EPHB1: variants seen among roughly 807,000 people sequenced by gnomAD.
EPHB1 encodes the protein EPH receptor B1, also known as ephrin type-B receptor 1.
EPHB1 carries 30 observed loss-of-function variants against 94.4 expected under a neutral mutation model. That is an observed-to-expected ratio of 0.32 (90% CI 0.24 to 0.43). EPHB1 has a LOEUF of 0.43. Ranked by LOEUF, EPHB1 falls within the 20% of genes least tolerant of loss-of-function variation. The pLI is 1.00. For missense variants in EPHB1, 1,055 were observed against 1,308.3 expected, an observed-to-expected ratio of 0.81 and a Z score of 2.99; for synonymous variants, 522 against 489.1, an observed-to-expected ratio of 1.07 and a Z score of -0.89.
chr3:135,245,173 C>A (rs1451041846), intron 13 of EPHB1, among the ~76,000 whole-genome samples: 3 of 152,228 alleles, frequency 2.0e-5, no homozygotes. Context: ...ATGACACCTT[C>A]TGTGTGATGA....
At chr3:135,056,092 A>G (rs1310225923) in intron 3 of EPHB1, among the ~76,000 whole-genome samples, 2 of 152,216 alleles carry the variant, frequency 1.3e-5, no homozygotes, top group Non-Finnish European at 2.9e-5. Flanking sequence ...TCCATTTCTG[A>G]GTCCAGGCTG....
In EPHB1 at chr3:135,229,464, T is replaced by TAGA. The variant is rs555029387; in HGVS notation, c.2347-11681_2347-11679dup. 9.9e-5 allele frequency among the ~76,000 whole-genome samples: 15 copies of TAGA among 152,190 alleles called. No individual in the cohort carries two copies. The South Asian group carries it at 3.1e-3, about 32-fold the overall frequency. On this transcript the variant is annotated intron_variant, in intron 12 of 15. Transcript: ENST00000398015. ...GGAGGGCGGGGGCAGGAAGAGAGACTAGAAGCATGGCCAGTGGACACTGGT... is the reference window on the plus strand; with the variant it reads ...GGAGGGCGGGGGCAGGAAGAGAGACTAGAAGAAGCATGGCCAGTGGACACTGGT...
chr3:134,821,992 A>G (rs1483666038), intron 1 of EPHB1, among the ~76,000 whole-genome samples: 1 of 152,216 alleles, frequency 6.6e-6, no homozygotes, highest in Non-Finnish European at 1.5e-5. Context: ...GTTAAACGCA[A>G]AGTGAAAGAC....
chr3:135,233,420 A>G (rs1943578568), intron 12 of EPHB1, among the ~76,000 whole-genome samples: 1 of 152,256 alleles, frequency 6.6e-6, no homozygotes, highest in Non-Finnish European at 1.5e-5. Context: ...TCATGCTGAT[A>G]CAAGAGGTGG....
At chr3:135,044,137 T>C (rs1225581576) in intron 3 of EPHB1, among the ~76,000 whole-genome samples, 1 of 152,230 alleles carries the variant, frequency 6.6e-6, no homozygotes, top group Non-Finnish European at 1.5e-5. Flanking sequence ...TTTGCCTCTG[T>C]TTATTGCAGC....
intron 3 of EPHB1, among the ~76,000 whole-genome samples, chr3:135,055,451 C>T (rs1576350050): frequency 6.6e-6 from 1 of 152,160 alleles, no homozygotes; most frequent in African/African-American, 2.4e-5. Context: ...ACCATGATCC[C>T]CATTTTTTCA....
chr3:135,090,577 C>A (rs1489847105), intron 3 of EPHB1, among the ~76,000 whole-genome samples: 2 of 152,230 alleles, frequency 1.3e-5, no homozygotes, highest in Non-Finnish European at 2.9e-5. Context: ...TCTGACTGAA[C>A]AAACCCCCCT....
chr3:135,011,057 T>C (rs1373880996), intron 3 of EPHB1, among the ~76,000 whole-genome samples: 1 of 152,232 alleles, frequency 6.6e-6, no homozygotes, highest in Non-Finnish European at 1.5e-5. Flanking sequence ...CTCTGTTCCC[T>C]GAAGTTTTGA....
intron 5 of EPHB1, among the ~76,000 whole-genome samples, chr3:135,150,594 G>A (rs1289093132): frequency 6.6e-6 from 1 of 152,190 alleles, no homozygotes; most frequent in Non-Finnish European, 1.5e-5. Context: ...CCTCCTGGGA[G>A]CACCTTATTT....
At chr3:134,798,207 T>A (rs745893721) in intron 1 of EPHB1, among the ~76,000 whole-genome samples, 1 of 152,114 alleles carries the variant, frequency 6.6e-6, no homozygotes, top group Admixed American at 6.5e-5. Context: ...CCAGGGCAAA[T>A]TGCTCTGAGG....
At chr3:134,923,323 C>A (rs1156946226) in intron 1 of EPHB1, among the ~76,000 whole-genome samples, 1 of 152,082 alleles carries the variant, frequency 6.6e-6, no homozygotes, top group African/African-American at 2.4e-5. Flanking sequence ...ACAGGTAGGC[C>A]CATCATGTTA....
intron 3 of EPHB1, among the ~76,000 whole-genome samples, chr3:135,086,057 A>G (rs1938349492): frequency 6.6e-6 from 1 of 152,080 alleles, no homozygotes; most frequent in African/African-American, 2.4e-5. Context: ...GAAGCTTCCT[A>G]CTAACTCCCT....
rs1227211061 is a variant in EPHB1 at position 134,795,291 on chromosome 3, C to A, written c.-341C>A. 2.4e-6 allele frequency: 1 copy of A among 417,260 alleles called. No individual in the cohort carries two copies. The highest frequency in any genetic ancestry group is 4.3e-6 in the Non-Finnish European group (1 of 233,924). The allele number at this position is 417,260 out of a possible 1,614,324, so 25.8% of individuals were successfully genotyped here. ...GCCGGCTCCGTCCTCCCGTAGGCTC[C>A]GCTGTAGCTAGCAATGTGACACCAG... On this transcript the variant is annotated 5_prime_UTR_variant, in exon 1 of 16. Coordinates refer to ENST00000398015, the MANE Select transcript of EPHB1 (RefSeq NM_004441.5).
rs1877964 is a variant in EPHB1, at chr3:134,899,597, A to G, written c.59-26219A>G. The stretch of plus-strand genomic sequence containing the variant: ...GTGTTTATCACATCCTAAAGTTGAT[A>G]TCTTCCTTATTTTCAACCACTCAAA... On this transcript the variant is annotated intron_variant, in intron 1 of 15. Transcript: ENST00000398015. Among the ~76,000 whole-genome samples, 1,152 of 152,304 alleles carry G rather than the reference A, an allele frequency of 7.6e-3. 26 individuals are homozygous for G. The South Asian group carries it at 0.081, about 11-fold the overall frequency.
At chr3:135,247,223 C>G (rs1330648541) in intron 13 of EPHB1, among the ~76,000 whole-genome samples, 1 of 152,158 alleles carries the variant, frequency 6.6e-6, no homozygotes, top group African/African-American at 2.4e-5. Flanking sequence ...CTATTAACAC[C>G]ATGCTGTATA....
At chr3:135,129,270 T>A (rs1289052587) in intron 4 of EPHB1, among the ~76,000 whole-genome samples, 1 of 151,998 alleles carries the variant, frequency 6.6e-6, no homozygotes, top group Non-Finnish European at 1.5e-5. Flanking sequence ...TGAACAGACA[T>A]GGAGCAGCAT....
At chr3:134,884,127 A>G (rs1187288835) in intron 1 of EPHB1, among the ~76,000 whole-genome samples, 1 of 152,164 alleles carries the variant, frequency 6.6e-6, no homozygotes, top group Non-Finnish European at 1.5e-5. Context: ...CCCTGTGACT[A>G]TAGTCAGACT....
In EPHB1 at chr3:135,152,951, G is replaced by A. The variant is rs534239920; in HGVS notation, c.1298-1201G>A. Among the ~76,000 whole-genome samples, 5 of 152,266 alleles carry A rather than the reference G, an allele frequency of 3.3e-5. No individual in the cohort carries two copies. The East Asian group carries it at 9.7e-4, about 29-fold the overall frequency. On this transcript the variant is annotated intron_variant, in intron 5 of 15. Coordinates refer to ENST00000398015, the MANE Select transcript of EPHB1 (RefSeq NM_004441.5). ...CTTCAAGGTCCCAGAGGACACTCTG[G>A]CTCTGAGTCCTTATCACACTTCTAA...
intron 3 of EPHB1, among the ~76,000 whole-genome samples, chr3:135,099,039 G>C (rs945756892): frequency 7.1e-6 from 1 of 141,384 alleles, no homozygotes; most frequent in Non-Finnish European, 1.5e-5. Flanking sequence ...AAAAAAAAAA[G>C]GGAATCCACA....
Sources: gnomAD v4.1 joint callset for allele counts (sites outside exome capture counted in the v4.1 genomes callset) on GRCh38, gnomAD v4.1.1 for gene constraint, MANE v1.5 for transcripts, NCBI Gene and HGNC (gene_info 2026-07-23, HGNC 2026-07-21) for gene names.